RPP30: variants seen among roughly 807,000 people sequenced by gnomAD.
RPP30 encodes the protein ribonuclease P protein subunit p30.
RPP30 carries 36 observed loss-of-function variants against 38.6 expected under a neutral mutation model. The observed-to-expected ratio is 0.93, with a 90% confidence interval of 0.71 to 1.23. RPP30 has a LOEUF of 1.23. RPP30 is among the 50% of genes most tolerant of loss of function. RPP30 has a pLI of 0.00. For missense variants in RPP30, 321 were observed against 321.7 expected (o/e 1.00, Z 0.02); for synonymous variants, 126 against 112.7 (o/e 1.12, Z -0.75).
In RPP30 at chr10:90,877,204, C is replaced by G. The variant is rs533850785; in HGVS notation, c.270+1106C>G. The stretch of plus-strand genomic sequence containing the variant: ...GCGGGTACCTGTAATCCCAGCTACT[C>G]AAGAGTCTGAGGCAGGAGAATCACT... On this transcript the variant is annotated intron_variant, in intron 4 of 10. Transcript: ENST00000371703. Among the ~76,000 whole-genome samples, 3 of 151,968 alleles carry G rather than the reference C, an allele frequency of 2.0e-5. No individual in the cohort carries two copies. In the East Asian group the frequency reaches 5.8e-4, roughly 29 times the overall value.
chr10:90,888,206 T>C (rs1206712094), intron 6 of RPP30, among the ~76,000 whole-genome samples: 2 of 152,226 alleles, frequency 1.3e-5, no homozygotes, highest in Non-Finnish European at 2.9e-5. Context: ...CTTAATGAAC[T>C]AGGAAGGTCA....
chr10:90,875,669 C>T, intron 3 of RPP30, 55 bp downstream of exon 3: 1 of 1,444,404 alleles, frequency 6.9e-7, no homozygotes, highest in Non-Finnish European at 9.7e-7. Flanking sequence ...TTAAAAGGTA[C>T]CTAATTATTG....
chr10:90,897,240 T>C (rs79703029), intron 10 of RPP30, among the ~76,000 whole-genome samples: 9,105 of 152,320 alleles, frequency 0.06, 347 homozygotes, highest in Non-Finnish European at 0.093. Context: ...TTAGGACTAG[T>C]TGTAGTGGTT....
intron 1 of RPP30, among the ~76,000 whole-genome samples, chr10:90,873,576 A>G (rs139324453): frequency 2.6e-5 from 4 of 152,368 alleles, no homozygotes; most frequent in Non-Finnish European, 5.9e-5. Context: ...AGTACTCCTA[A>G]GCTGCCAGAT....
chr10:90,872,037 T>C lies in RPP30; in HGVS notation c.51T>C (p.Ala17=). The stretch of plus-strand genomic sequence containing the variant: ...TGCGAGCGGGTTCTGACCTGAAGGC[T>C]CTGCGCGGACTTGTGGAGACAGCCG... The part of the protein sequence containing the change: ...LDLRAGSDLK[A]LRGLVETAAH... The change falls in exon 1 of 11, where the codon GCT becomes GCC. Residue 17 remains alanine (A), a synonymous_variant. Transcript: ENST00000371703. 3 of 1,614,148 alleles carry C rather than the reference T, an allele frequency of 1.9e-6. No homozygotes were observed. Among genetic ancestry groups the C allele is most frequent in the Non-Finnish European group, 2.5e-6 (3 of 1,180,004 alleles).
rs2120242053 is a variant in RPP30 at position 90,902,109 on chromosome 10, G to A, written c.*1430G>A. ...ACTGCGCCCGGCCCGAGAAAATACA[G>A]TTTTAAAAAGAGAAAGCTTTATAAC... is the stretch of plus-strand genomic sequence containing the variant. On this transcript the variant is annotated 3_prime_UTR_variant, in exon 11 of 11. Coordinates refer to ENST00000371703, the MANE Select transcript of RPP30 (RefSeq NM_006413.5). 1 of 989,962 alleles carries A rather than the reference G, an allele frequency of 1.0e-6. No individual in the cohort carries two copies. Among genetic ancestry groups the A allele is most frequent in the African/African-American group, 1.7e-5 (1 of 57,246 alleles). 61.3% of individuals were successfully genotyped at this position (989,962 alleles called of 1,614,324 possible). A position where few individuals can be genotyped will look rare whatever the true frequency, so the allele number is the denominator to read the frequency against.
downstream of RPP30, chr10:90,902,280 C>A: frequency 2.2e-6 from 1 of 445,816 alleles, no homozygotes; most frequent in Non-Finnish European, 3.6e-6. Context: ...TGCAGTGGCA[C>A]AATCTCGGCT....
At chr10:90,889,304 CTTTTT>C (rs59640704) in intron 6 of RPP30, among the ~76,000 whole-genome samples, 1 of 106,536 alleles carries the variant, frequency 9.4e-6, no homozygotes, top group East Asian at 2.9e-4. Context: ...ATAAGGATTA[CTTTTT>C]TTTTTTTTTT....
Position 90,900,882 on chromosome 10 carries a change from G to A in RPP30, c.*203G>A. 7.7e-7 allele frequency: 1 copy of A among 1,293,224 alleles called. No homozygotes were observed. The highest frequency in any genetic ancestry group is 9.8e-7 in the Non-Finnish European group (1 of 1,022,694). 80.1% of individuals were successfully genotyped at this position (1,293,224 alleles called of 1,614,324 possible). On this transcript the variant is annotated 3_prime_UTR_variant, in exon 11 of 11. Coordinates refer to ENST00000371703, the MANE Select transcript of RPP30 (RefSeq NM_006413.5). Reference sequence around the variant, plus strand: ...CTTTTTAAAAGGCTGCCAGCTTAATGAATTTAGATGTACTTTAAGAGAGAA... The same window carrying A: ...CTTTTTAAAAGGCTGCCAGCTTAATAAATTTAGATGTACTTTAAGAGAGAA...
intron 5 of RPP30, among the ~76,000 whole-genome samples, chr10:90,883,517 A>G (rs1364579341): frequency 6.6e-6 from 1 of 152,202 alleles, no homozygotes; most frequent in Non-Finnish European, 1.5e-5. Context: ...AAACTAAATA[A>G]CAAAATAATT....
intron 1 of RPP30, among the ~76,000 whole-genome samples, chr10:90,874,601 T>TA (rs1794625897): frequency 6.6e-6 from 1 of 152,212 alleles, no homozygotes; most frequent in African/African-American, 2.4e-5. Context: ...ACCTCATGTG[T>TA]ATTATTTCAT....
At chr10:90,906,222 G>A (rs1330943779), downstream of RPP30, among the ~76,000 whole-genome samples, 1 of 152,162 alleles carries the variant, frequency 6.6e-6, no homozygotes, top group Non-Finnish European at 1.5e-5. Context: ...AGAATCTAAG[G>A]ACTCAAGGAT....
chr10:90,896,642 T>C (rs1042624906), intron 10 of RPP30, among the ~76,000 whole-genome samples: 8 of 152,342 alleles, frequency 5.3e-5, no homozygotes, highest in Middle Eastern at 3.4e-3. Context: ...ACATGTGTGC[T>C]CCTGCCGACA....
intron 4 of RPP30, among the ~76,000 whole-genome samples, chr10:90,876,350 C>T (rs1049440170): frequency 2.6e-5 from 4 of 152,128 alleles, no homozygotes; most frequent in Admixed American, 2.6e-4. Context: ...CTCACGTGCA[C>T]CAGACTTAAG....
In RPP30 at chr10:90,885,852, CTG is replaced by C; in HGVS notation, c.385_386del (p.Val129AsnfsTer14). 6.2e-7 allele frequency: 1 copy of C among 1,611,436 alleles called. No individual in the cohort carries two copies. Among genetic ancestry groups the C allele is most frequent in the Non-Finnish European group, 8.5e-7 (1 of 1,178,872 alleles). On this transcript the variant is annotated frameshift_variant, in exon 6 of 11. Coordinates refer to ENST00000371703, the MANE Select transcript of RPP30 (RefSeq NM_006413.5). LOFTEE classifies it high-confidence loss of function. ...TTAGATGTGGATTTAGTCTGCATAA[CTG>C]TAACAGAGAAACTACCATTTTACTT...
chr10:90,884,441 C>T (rs1235990401), intron 5 of RPP30, among the ~76,000 whole-genome samples: 2 of 152,110 alleles, frequency 1.3e-5, no homozygotes, highest in Non-Finnish European at 1.5e-5. Flanking sequence ...CCAGTATGAT[C>T]GATAAAAAAT....
Position 90,872,034 on chromosome 10 carries a change from G to C in RPP30, c.48G>C (p.Lys16Asn), listed in dbSNP as rs778636327. Residue 16 changes from lysine to asparagine, a missense_variant, in exon 1 of 11, where the codon AAG becomes AAC. Transcript: ENST00000371703. ...DLDLRAGSDL[K>N]ALRGLVETAA... Reference sequence around the variant, plus strand: ...ACCTGCGAGCGGGTTCTGACCTGAAGGCTCTGCGCGGACTTGTGGAGACAG... The same window carrying C: ...ACCTGCGAGCGGGTTCTGACCTGAACGCTCTGCGCGGACTTGTGGAGACAG... The C allele has an allele frequency of 6.2e-7, 1 of 1,614,200 alleles. No homozygotes were observed. Among genetic ancestry groups the C allele is most frequent in the Admixed American group, 1.7e-5 (1 of 60,024 alleles).
In RPP30 at chr10:90,902,098, G is replaced by A. The variant is rs1375366847; in HGVS notation, c.*1419G>A. 49 of 987,794 alleles carry A rather than the reference G, an allele frequency of 5.0e-5. No homozygotes were observed. Among genetic ancestry groups the A allele is most frequent in the South Asian group, 1.4e-4 (3 of 22,140 alleles). The allele number at this position is 987,794 out of a possible 1,614,324, so 61.2% of individuals were successfully genotyped here. A position where few individuals can be genotyped will look rare whatever the true frequency, so the allele number is the denominator to read the frequency against. On this transcript the variant is annotated 3_prime_UTR_variant, in exon 11 of 11. Transcript: ENST00000371703. ...AGGCGTTAGCCACTGCGCCCGGCCCGAGAAAATACAGTTTTAAAAAGAGAA... is the reference window on the plus strand; with the variant it reads ...AGGCGTTAGCCACTGCGCCCGGCCCAAGAAAATACAGTTTTAAAAAGAGAA...
downstream of RPP30, among the ~76,000 whole-genome samples, chr10:90,907,222 C>G (rs1847263121): frequency 6.6e-6 from 1 of 152,148 alleles, no homozygotes; most frequent in Non-Finnish European, 1.5e-5. Flanking sequence ...CATGAGACAT[C>G]AGCACTGGCA....
Sources: gnomAD v4.1 joint callset for allele counts (sites outside exome capture counted in the v4.1 genomes callset) on GRCh38, gnomAD v4.1.1 for gene constraint, MANE v1.5 for transcripts, NCBI Gene and HGNC (gene_info 2026-07-23, HGNC 2026-07-21) for gene names.